PLCG2: variants seen among roughly 807,000 people sequenced by gnomAD.
PLCG2 encodes the protein 1-phosphatidylinositol 4,5-bisphosphate phosphodiesterase gamma-2.
A neutral mutation model predicts 175.6 loss-of-function variants in PLCG2; 69 were observed. The ratio of observed to expected loss-of-function variants is 0.39; its 90% CI spans 0.32 to 0.48. PLCG2 has a LOEUF of 0.48. Among genes scored for constraint, PLCG2 ranks in the 20% least tolerant of loss-of-function variants. The pLI is 0.91. For synonymous variants in PLCG2, 827 were observed against 624.0 expected (o/e 1.33, Z -4.85); for missense variants, 1,798 against 1,650.9 (o/e 1.09, Z -1.54).
chr16:81,875,744 T>A (rs957072538), intron 7 of PLCG2, among the ~76,000 whole-genome samples: 2 of 152,144 alleles, frequency 1.3e-5, no homozygotes, highest in African/African-American at 4.8e-5. Context: ...TACATAAAAA[T>A]AGAAAGCACT....
chr16:81,808,048 C>T (rs571649834), intron 2 of PLCG2, among the ~76,000 whole-genome samples: 132 of 152,328 alleles, frequency 8.7e-4, no homozygotes, highest in Admixed American at 1.8e-3. Context: ...GATATGCAAA[C>T]AATATTAGGT....
chr16:81,946,246 G>A lies in PLCG2; in HGVS notation c.3553G>A (p.Glu1185Lys), dbSNP rs1177878316. Residue 1185 changes from glutamate to lysine, a missense_variant, in exon 31 of 33, where the codon GAG becomes AAG. By Grantham distance (56) the Glu-to-Lys change is moderately conservative (BLOSUM62 1). Coordinates refer to ENST00000564138, the MANE Select transcript of PLCG2 (RefSeq NM_002661.5). ...IELASLLVFCEMRPVLESEEE... is the reference protein window; with the variant it reads ...IELASLLVFCKMRPVLESEEE... ...GCTGGCTTCCCTCCTGGTTTTCTGT[G>A]AGATGCGGCCAGTCCTGGTGAGTGG... The A allele has an allele frequency of 5.6e-6, 9 of 1,613,598 alleles. No homozygotes were observed. The highest frequency in any genetic ancestry group is 1.3e-5 in the African/African-American group (1 of 74,912).
chr16:81,895,065 G>T (rs12325079), intron 12 of PLCG2, among the ~76,000 whole-genome samples: 1 of 152,142 alleles, frequency 6.6e-6, no homozygotes, highest in Admixed American at 6.5e-5. Context: ...GCTTGAAGCA[G>T]TCAGCTCCTG....
At chr16:81,871,296 A>G (rs993646661) in intron 7 of PLCG2, among the ~76,000 whole-genome samples, 3 of 152,220 alleles carry the variant, frequency 2.0e-5, no homozygotes, top group Non-Finnish European at 4.4e-5. Context: ...ATTAATAGCC[A>G]TCTCCAGATT....
intron 2 of PLCG2, among the ~76,000 whole-genome samples, chr16:81,834,217 T>C (rs1597344720): frequency 6.6e-6 from 1 of 152,272 alleles, no homozygotes; most frequent in East Asian, 1.9e-4. Flanking sequence ...ATTAAAGAGA[T>C]GTTGAGGTCA....
chr16:81,938,738 T>A, intron 28 of PLCG2, 63 bp from the exon 29 acceptor site: 1 of 943,844 alleles, frequency 1.1e-6, no homozygotes, highest in Non-Finnish European at 1.7e-6. Flanking sequence ...CCAGCTGCAA[T>A]CCACGCTAGG....
chr16:81,848,951 T>C lies in PLCG2; in HGVS notation c.194-5493T>C, dbSNP rs527579946. ...TTGAGCTGAGACTGGAAGGGAGAGC[T>C]TGGCACTAACCAGACTAAGAACATT... On this transcript the variant is annotated intron_variant, in intron 2 of 32. Transcript: ENST00000564138. Among the ~76,000 whole-genome samples the C allele has an allele frequency of 3.0e-4, 45 of 152,298 alleles. No individual in the cohort carries two copies. In the South Asian group the frequency reaches 9.1e-3, roughly 31 times the overall value.
chr16:81,864,597 A>T (rs956874053), intron 5 of PLCG2, among the ~76,000 whole-genome samples: 1 of 152,226 alleles, frequency 6.6e-6, no homozygotes, highest in Non-Finnish European at 1.5e-5. Context: ...CCCGCCTCCC[A>T]GGGCAGATGT....
intron 2 of PLCG2, among the ~76,000 whole-genome samples, chr16:81,834,912 G>C (rs1905435091): frequency 6.6e-6 from 1 of 152,206 alleles, no homozygotes; most frequent in African/African-American, 2.4e-5. Flanking sequence ...GTCCATTGTA[G>C]AACTGGGTAC....
chr16:81,789,840 C>A (rs75259348), intron 2 of PLCG2, among the ~76,000 whole-genome samples: 25,015 of 145,188 alleles, frequency 0.17, 2,523 homozygotes, highest in Non-Finnish European at 0.23. Context: ...CCCTTCCCAC[C>A]TTTGCCCCCC....
At chr16:81,895,725 A>C in intron 12 of PLCG2, 82 bp from the exon 13 acceptor site, 1 of 1,512,990 alleles carries the variant, frequency 6.6e-7, no homozygotes, top group Non-Finnish European at 9.1e-7. Context: ...CTAGTAACTG[A>C]ACTGGTGTGT....
At chr16:81,916,741 G>T in intron 19 of PLCG2, among the ~76,000 whole-genome samples, 1 of 152,138 alleles carries the variant, frequency 6.6e-6, no homozygotes, top group East Asian at 1.9e-4. Context: ...GGGTTCAAGG[G>T]AGTCTCCTGC....
intron 2 of PLCG2, among the ~76,000 whole-genome samples, chr16:81,852,577 A>G (rs7193477): frequency 6.6e-6 from 1 of 152,072 alleles, no homozygotes; most frequent in East Asian, 1.9e-4. Flanking sequence ...TCAGGTTGCT[A>G]TCCTTGCCTG....
chr16:81,892,663 C>G (rs1908691775), intron 11 of PLCG2, among the ~76,000 whole-genome samples: 1 of 147,466 alleles, frequency 6.8e-6, no homozygotes, highest in African/African-American at 2.4e-5. Context: ...AAAAAAAAAA[C>G]TTTTATTTTC....
chr16:81,783,518 G>A (rs942283866), intron 1 of PLCG2, among the ~76,000 whole-genome samples: 8 of 152,190 alleles, frequency 5.3e-5, no homozygotes, highest in African/African-American at 1.9e-4. Context: ...GCTGCCACAG[G>A]ATTCTGGACT....
chr16:81,938,547 C>T (rs1910808426), intron 28 of PLCG2: 1 of 525,172 alleles, frequency 1.9e-6, no homozygotes, highest in South Asian at 2.6e-5. Context: ...CATTCATGAG[C>T]TCAGGTGAGT....
chr16:81,796,938 A>C (rs1911496162), intron 2 of PLCG2, among the ~76,000 whole-genome samples: 2 of 152,220 alleles, frequency 1.3e-5, no homozygotes, highest in South Asian at 2.1e-4. Flanking sequence ...CAGGGGCCTG[A>C]GGGCAACGGG....
At chr16:81,875,981 TA>T (rs1389921927) in intron 7 of PLCG2, among the ~76,000 whole-genome samples, 3 of 151,356 alleles carry the variant, frequency 2.0e-5, no homozygotes, top group Non-Finnish European at 4.4e-5. Flanking sequence ...GTGGAGAAGT[TA>T]GATAGAATCT....
intron 2 of PLCG2, among the ~76,000 whole-genome samples, chr16:81,823,692 A>ATT (rs546942391): frequency 0.7 from 101,967 of 144,782 alleles, 35,990 homozygotes; most frequent in East Asian, 0.9. Context: ...TGCCCAGCTA[A>ATT]TTTTTTTTTT....
Sources: allele counts gnomAD v4.1 joint callset (sites outside exome capture counted in the v4.1 genomes callset), GRCh38; gene constraint gnomAD v4.1.1; transcripts MANE v1.5; gene names NCBI Gene and HGNC (gene_info 2026-07-23, HGNC 2026-07-21).